NCAM2: variants seen among roughly 807,000 people sequenced by gnomAD.
NCAM2 encodes the protein N-CAM-2.
NCAM2 carries 30 observed loss-of-function variants against 98.1 expected under a neutral mutation model. The observed-to-expected ratio is 0.31, with a 90% CI of 0.23 to 0.41. The LOEUF (loss-of-function observed/expected upper bound fraction) is 0.41, where lower values mean the gene tolerates loss of function less well. NCAM2 is among the 10% of genes least tolerant of loss of function. The pLI is 1.00. For missense variants in NCAM2, 867 were observed against 1,005.8 expected, an observed-to-expected ratio of 0.86 and a Z score of 1.87; for synonymous variants, 368 against 342.4, an observed-to-expected ratio of 1.07 and a Z score of -0.83.
intron 10 of NCAM2, among the ~76,000 whole-genome samples, chr21:21,414,984 G>A (rs1569037651): frequency 6.6e-6 from 1 of 150,880 alleles, no homozygotes; most frequent in Non-Finnish European, 1.5e-5. Flanking sequence ...TATCTCAACA[G>A]TGGGCTTAAA....
At chr21:21,411,063 TATATATACACAC>T (rs1199803278) in intron 10 of NCAM2, among the ~76,000 whole-genome samples, 1 of 67,620 alleles carries the variant, frequency 1.5e-5, no homozygotes, top group Non-Finnish European at 2.7e-5. Context: ...TGTATATATA[TATATATACACAC>T]ACATATATAT....
chr21:21,314,195 CT>C (rs1275546277), intron 5 of NCAM2, among the ~76,000 whole-genome samples: 1 of 152,008 alleles, frequency 6.6e-6, no homozygotes, highest in Non-Finnish European at 1.5e-5. Context: ...TTGAGCAATT[CT>C]TTTGTATCAG....
intron 5 of NCAM2, among the ~76,000 whole-genome samples, chr21:21,294,987 C>T (rs1446012724): frequency 6.6e-6 from 1 of 151,532 alleles, no homozygotes. Context: ...TATTCTGTTC[C>T]TCTCAGTTTA....
At chr21:21,357,700 G>A (rs770285183) in intron 8 of NCAM2, among the ~76,000 whole-genome samples, 6 of 151,680 alleles carry the variant, frequency 4.0e-5, no homozygotes, top group Non-Finnish European at 7.4e-5. Flanking sequence ...CTTATATGAG[G>A]AATTTTATTT....
chr21:21,014,221 C>T (rs930337408), intron 1 of NCAM2, among the ~76,000 whole-genome samples: 4 of 151,992 alleles, frequency 2.6e-5, no homozygotes, highest in Non-Finnish European at 4.4e-5. Flanking sequence ...GTCAAGAGAT[C>T]GAGACCATCC....
intron 12 of NCAM2, among the ~76,000 whole-genome samples, chr21:21,451,639 G>A (rs536296896): frequency 2.6e-5 from 4 of 152,166 alleles, no homozygotes; most frequent in African/African-American, 7.2e-5. Context: ...TGTAATATGT[G>A]CTACTTCTAC....
intron 1 of NCAM2, among the ~76,000 whole-genome samples, chr21:21,228,999 TAA>T (rs960501318): frequency 6.6e-6 from 1 of 151,510 alleles, no homozygotes; most frequent in Non-Finnish European, 1.5e-5. Flanking sequence ...ACATATGATT[TAA>T]GTTACTCTTT....
At chr21:21,501,617 CT>C (rs5842933) in intron 15 of NCAM2, among the ~76,000 whole-genome samples, 58,781 of 143,876 alleles carry the variant, frequency 0.41, 12,251 homozygotes, top group East Asian at 0.54. Flanking sequence ...ATTAATGTTC[CT>C]TTTTTTTTTT....
At chr21:21,043,102 A>G (rs914924710) in intron 1 of NCAM2, among the ~76,000 whole-genome samples, 3 of 152,196 alleles carry the variant, frequency 2.0e-5, no homozygotes, top group African/African-American at 7.2e-5. Flanking sequence ...CTGGTTAAGC[A>G]TTTACATATC....
chr21:21,276,746 G>A (rs2072743295), intron 1 of NCAM2, among the ~76,000 whole-genome samples: 1 of 151,826 alleles, frequency 6.6e-6, no homozygotes, highest in South Asian at 2.1e-4. Context: ...GAGCAAATCT[G>A]GTCTTTGGGA....
chr21:21,321,139 T>C (rs1041827114), intron 5 of NCAM2, among the ~76,000 whole-genome samples: 1 of 152,224 alleles, frequency 6.6e-6, no homozygotes, highest in Non-Finnish European at 1.5e-5. Flanking sequence ...CAGCCCTAAA[T>C]GTAAAATCAT....
chr21:21,485,916 T>C (rs1351539132), intron 15 of NCAM2, among the ~76,000 whole-genome samples: 1 of 152,164 alleles, frequency 6.6e-6, no homozygotes, highest in African/African-American at 2.4e-5. Context: ...TTTTAACTTA[T>C]CTTTTCCAAA....
chr21:21,277,203 A>T (rs2072759854), intron 1 of NCAM2, among the ~76,000 whole-genome samples: 1 of 152,148 alleles, frequency 6.6e-6, no homozygotes, highest in Non-Finnish European at 1.5e-5. Context: ...TATAACTAGC[A>T]CATGATAAGC....
chr21:21,514,274 G>A (rs1410733857), intron 16 of NCAM2, among the ~76,000 whole-genome samples: 4 of 150,974 alleles, frequency 2.6e-5, no homozygotes, highest in South Asian at 2.1e-4. Context: ...TCAGGAGTTC[G>A]AAACCAGCCT....
chr21:21,129,627 T>G (rs909719174), intron 1 of NCAM2, among the ~76,000 whole-genome samples: 2 of 152,190 alleles, frequency 1.3e-5, no homozygotes, highest in African/African-American at 4.8e-5. Context: ...GGTTTTTAGA[T>G]GGCATTCTCA....
chr21:21,184,008 T>C (rs1266209023), intron 1 of NCAM2, among the ~76,000 whole-genome samples: 1 of 152,102 alleles, frequency 6.6e-6, no homozygotes, highest in Admixed American at 6.6e-5. Context: ...TACCAGAATG[T>C]TTATTATCTT....
intron 8 of NCAM2, among the ~76,000 whole-genome samples, chr21:21,342,739 A>T (rs1490331715): frequency 6.6e-6 from 1 of 152,232 alleles, no homozygotes; most frequent in Admixed American, 6.5e-5. Context: ...ATGGGGAAGG[A>T]TTCACAATCA....
intron 16 of NCAM2, among the ~76,000 whole-genome samples, chr21:21,514,082 A>G (rs1396249594): frequency 2.6e-5 from 4 of 151,622 alleles, no homozygotes; most frequent in African/African-American, 9.7e-5. Flanking sequence ...GGCTATACAT[A>G]TAAATTATGT....
In NCAM2 at chr21:21,334,569, A is replaced by G. The variant is rs531664711; in HGVS notation, c.738-936A>G. On this transcript the variant is annotated intron_variant, in intron 6 of 17. Coordinates refer to ENST00000400546, the MANE Select transcript of NCAM2 (RefSeq NM_004540.5). ...TGGACAAATTCCAGAACTTTCCATT[A>G]GTGGTTTTAAAATCAATTCAGTCAT... 3.2e-4 allele frequency among the ~76,000 whole-genome samples: 49 copies of G among 152,206 alleles called. 1 individual carries two copies. The South Asian group carries it at 6.0e-3, about 19-fold the overall frequency.
Sources: gnomAD v4.1 joint callset for allele counts (sites outside exome capture counted in the v4.1 genomes callset) on GRCh38, gnomAD v4.1.1 for gene constraint, MANE v1.5 for transcripts, NCBI Gene and HGNC (gene_info 2026-07-23, HGNC 2026-07-21) for gene names.